SH3BGRL2: variants seen among roughly 807,000 people sequenced by gnomAD.
SH3BGRL2 encodes SH3 domain binding glutamate rich protein like 2.
A neutral mutation model predicts 14.8 loss-of-function variants in SH3BGRL2; 21 were observed. The ratio of observed to expected loss-of-function variants is 1.42; its 90% CI spans 1.01 to 2.05. The LOEUF is 2.05. Ranked by LOEUF, SH3BGRL2 falls within the 30% of genes most tolerant of loss-of-function variation. SH3BGRL2 has a pLI of 0.00. For missense variants in SH3BGRL2, 147 were observed against 130.8 expected (o/e 1.12, Z -0.61); for synonymous variants, 50 against 47.8 (o/e 1.05, Z -0.19).
intron 1 of SH3BGRL2, among the ~76,000 whole-genome samples, chr6:79,664,614 C>A (rs1183111705): frequency 6.6e-6 from 1 of 152,182 alleles, no homozygotes; most frequent in African/African-American, 2.4e-5. Context: ...CACAGACCAA[C>A]CAGTGTCCCA....
At chr6:79,553,599 G>A in the SH3BGRL2 span, among the ~76,000 whole-genome samples, 156 of 152,264 alleles carry the variant, frequency 1.0e-3, no homozygotes, top group African/African-American at 3.7e-3. Flanking sequence ...CCAAAGAGAG[G>A]CGACTTAATT....
chr6:79,694,891 C>G (rs1013387255), intron 2 of SH3BGRL2, among the ~76,000 whole-genome samples: 1 of 152,120 alleles, frequency 6.6e-6, no homozygotes, highest in East Asian at 1.9e-4. Context: ...CCCTCCTTTC[C>G]TTTTTGCTGC....
the SH3BGRL2 span, among the ~76,000 whole-genome samples, chr6:79,620,541 C>T: frequency 6.6e-5 from 10 of 151,632 alleles, no homozygotes; most frequent in Non-Finnish European, 1.2e-4. Context: ...TTTGGAGAGT[C>T]CTGTGTGAGG....
chr6:79,670,313 C>A (rs972490670), intron 1 of SH3BGRL2, among the ~76,000 whole-genome samples: 1 of 152,186 alleles, frequency 6.6e-6, no homozygotes, highest in African/African-American at 2.4e-5. Flanking sequence ...GCAAGGGATT[C>A]TGTGTTCCCT....
At chr6:79,665,241 C>A (rs1769634441) in intron 1 of SH3BGRL2, among the ~76,000 whole-genome samples, 1 of 152,098 alleles carries the variant, frequency 6.6e-6, no homozygotes, top group Non-Finnish European at 1.5e-5. Flanking sequence ...TTTGAAACAC[C>A]ATCTTTACAA....
At chr6:79,654,340 C>T (rs1769362117) in intron 1 of SH3BGRL2, among the ~76,000 whole-genome samples, 2 of 152,130 alleles carry the variant, frequency 1.3e-5, no homozygotes, top group African/African-American at 4.8e-5. Flanking sequence ...ATTTTCCAGT[C>T]CTTTCCAGTG....
chr6:79,625,108 G>A, the SH3BGRL2 span, among the ~76,000 whole-genome samples: 1 of 152,072 alleles, frequency 6.6e-6, no homozygotes, highest in Non-Finnish European at 1.5e-5. Flanking sequence ...TGAAGGTCAA[G>A]GCTGTAGTGA....
upstream of SH3BGRL2, among the ~76,000 whole-genome samples, chr6:79,630,490 T>C (rs948375025): frequency 2.0e-5 from 3 of 152,152 alleles, no homozygotes; most frequent in Admixed American, 6.5e-5. Flanking sequence ...AGCAACTATA[T>C]AGAAGCTTTT....
At chr6:79,586,709 A>G in the SH3BGRL2 span, among the ~76,000 whole-genome samples, 5 of 152,292 alleles carry the variant, frequency 3.3e-5, no homozygotes, top group East Asian at 5.8e-4. Flanking sequence ...ACTAAGGCCT[A>G]TCCTCTGGAA....
At chr6:79,577,196 T>C in the SH3BGRL2 span, among the ~76,000 whole-genome samples, 3 of 152,236 alleles carry the variant, frequency 2.0e-5, no homozygotes, top group Non-Finnish European at 2.9e-5. Context: ...TGTGTATGTA[T>C]GTTTCTGAAC....
the SH3BGRL2 span, among the ~76,000 whole-genome samples, chr6:79,618,914 C>CAAAGAAAAAAAAAAAAAA: frequency 1.3e-5 from 1 of 76,276 alleles, no homozygotes; most frequent in Non-Finnish European, 2.5e-5. Context: ...GAGACTCTGT[C>CAAAGAAAAAAAAAAAAAA]AAAAAAAAAA....
chr6:79,632,088 T>A (rs1045076861), intron 1 of SH3BGRL2, among the ~76,000 whole-genome samples: 13 of 152,198 alleles, frequency 8.5e-5, no homozygotes, highest in Non-Finnish European at 1.5e-4. Context: ...TTTTTTTTCT[T>A]AGGGTGCCAT....
chr6:79,634,569 A>G (rs1233380672), intron 1 of SH3BGRL2, among the ~76,000 whole-genome samples: 1 of 152,216 alleles, frequency 6.6e-6, no homozygotes, highest in Non-Finnish European at 1.5e-5. Context: ...CAATTATTTC[A>G]TTTATTCCGT....
the SH3BGRL2 span, among the ~76,000 whole-genome samples, chr6:79,557,139 A>G: frequency 2.0e-5 from 3 of 151,974 alleles, no homozygotes; most frequent in Admixed American, 6.6e-5. Context: ...GCACAACTGT[A>G]GACTACAAGG....
At chr6:79,636,944 T>G (rs1191922360) in intron 1 of SH3BGRL2, among the ~76,000 whole-genome samples, 1 of 152,186 alleles carries the variant, frequency 6.6e-6, no homozygotes, top group Non-Finnish European at 1.5e-5. Context: ...TTATAGGTAC[T>G]GGGGGTTAGG....
At position 79,681,795 on chromosome 6, in the gene SH3BGRL2, AAATATCCGATCCATATAT is replaced by A. The variant is rs1383242647; in HGVS notation, c.231+7999_231+8016del. Among the ~76,000 whole-genome samples the A allele has an allele frequency of 2.6e-5, 4 of 152,088 alleles. No individual in the cohort carries two copies. In the East Asian group the frequency reaches 7.7e-4, roughly 29 times the overall value. ...CTAATCCCATTATTACCAGTTTTACAAATATCCGATCCATATATAAGATTTCACTTTATGTAGTCCCAG... is the reference window on the plus strand; with the variant it reads ...CTAATCCCATTATTACCAGTTTTACAAAGATTTCACTTTATGTAGTCCCAG... On this transcript the variant is annotated intron_variant, in intron 2 of 3. Transcript: ENST00000369838.
chr6:79,610,731 C>T, the SH3BGRL2 span, among the ~76,000 whole-genome samples: 1 of 152,206 alleles, frequency 6.6e-6, no homozygotes, highest in Admixed American at 6.5e-5. Flanking sequence ...GGCTCCTCCC[C>T]TCTTGCCTCA....
upstream of SH3BGRL2, among the ~76,000 whole-genome samples, chr6:79,628,886 C>T (rs1304162638): frequency 6.6e-6 from 1 of 152,150 alleles, no homozygotes; most frequent in Non-Finnish European, 1.5e-5. Context: ...TTTCAGGTGG[C>T]TTAAGCAAGA....
the SH3BGRL2 span, chr6:79,552,753 A>G: frequency 6.6e-6 from 1 of 152,214 alleles, no homozygotes; most frequent in Admixed American, 6.5e-5. Flanking sequence ...TATGCACAGT[A>G]AAGTTTAAAA....
Sources: allele counts gnomAD v4.1 joint callset (sites outside exome capture counted in the v4.1 genomes callset), GRCh38; gene constraint gnomAD v4.1.1; transcripts MANE v1.5; gene names NCBI Gene and HGNC (gene_info 2026-07-23, HGNC 2026-07-21).